The following RBFOX1 variants were observed in gnomAD, a reference collection of about 807,000 sequenced individuals.
The protein encoded by RBFOX1 is RNA binding protein fox-1 homolog 1.
In RBFOX1, 8 loss-of-function variants were observed where a neutral mutation model predicts 57.7. The observed-to-expected ratio is 0.14, with a 90% CI of 0.08 to 0.25. RBFOX1 has a LOEUF of 0.25. Among genes scored for constraint, RBFOX1 ranks in the 10% least tolerant of loss-of-function variants. RBFOX1 has a pLI of 1.00. For synonymous variants in RBFOX1, 326 were observed against 222.4 expected (o/e 1.47, Z -4.15); for missense variants, 611 against 548.5 (o/e 1.11, Z -1.14).
Position 6,605,404 on chromosome 16 carries a change from ATAT to A in RBFOX1, c.-63-49195_-63-49193del, listed in dbSNP as rs569082240. ...TGGAGTTTTGCTTTATTGATTTATG[ATAT>A]TATCAAGCACAGACTGTGAACTGGA... On this transcript the variant is annotated intron_variant, in intron 2 of 15. Coordinates refer to ENST00000550418, the MANE Select transcript of RBFOX1 (RefSeq NM_018723.4). Among the ~76,000 whole-genome samples the A allele has an allele frequency of 3.7e-3, 556 of 152,300 alleles. 5 individuals are homozygous for A. Among genetic ancestry groups the A allele is most frequent in the African/African-American group, 0.013 (534 of 41,570 alleles).
At chr16:6,384,204 A>G (rs1364471210) in intron 2 of RBFOX1, among the ~76,000 whole-genome samples, 1 of 151,740 alleles carries the variant, frequency 6.6e-6, no homozygotes, top group Non-Finnish European at 1.5e-5. Context: ...TTGCCTTTTT[A>G]TGGAACAGAT....
chr16:7,234,685 A>G (rs201088326), intron 4 of RBFOX1, among the ~76,000 whole-genome samples: 1 of 77,656 alleles, frequency 1.3e-5, no homozygotes, highest in Non-Finnish European at 2.1e-5. Flanking sequence ...TTTTATATAT[A>G]TATGTATATA....
rs1254592780 is a variant in RBFOX1 at position 6,730,178 on chromosome 16, C to G, written c.-16+75528C>G. Among the ~76,000 whole-genome samples the G allele has an allele frequency of 3.9e-5, 6 of 151,996 alleles. 1 individual carries two copies. In the South Asian group the frequency reaches 1.0e-3, roughly 26 times the overall value. ...GCCTTAAATAATTATAACTCTTTAC[C>G]CATAAGGAGAAGAGGAGGGGACATA... is the stretch of plus-strand genomic sequence containing the variant. On this transcript the variant is annotated intron_variant, in intron 3 of 15. Coordinates refer to ENST00000550418, the MANE Select transcript of RBFOX1 (RefSeq NM_018723.4).
intron 3 of RBFOX1, among the ~76,000 whole-genome samples, chr16:5,654,704 C>T (rs762913331): frequency 3.3e-5 from 5 of 152,124 alleles, no homozygotes; most frequent in African/African-American, 7.2e-5. Context: ...TCCTGTGGAT[C>T]CTACTGCCTG....
chr16:6,176,402 G>A (rs1435931503), intron 1 of RBFOX1, among the ~76,000 whole-genome samples: 9 of 140,648 alleles, frequency 6.4e-5, no homozygotes, highest in African/African-American at 2.4e-4. Flanking sequence ...CAGGTCATCC[G>A]CCCGCCTCAG....
intron 3 of RBFOX1, among the ~76,000 whole-genome samples, chr16:5,662,329 A>G (rs113761291): frequency 6.6e-6 from 1 of 152,076 alleles, no homozygotes. Flanking sequence ...CTCTCTCTCC[A>G]TGTTTGTTGT....
chr16:7,103,588 A>G (rs1358032700), intron 4 of RBFOX1, among the ~76,000 whole-genome samples: 1 of 152,212 alleles, frequency 6.6e-6, no homozygotes, highest in Admixed American at 6.5e-5. Context: ...CCAAGATGCT[A>G]AAAGTGATTA....
At chr16:5,807,190 G>A (rs1293557253) in intron 3 of RBFOX1, among the ~76,000 whole-genome samples, 2 of 152,172 alleles carry the variant, frequency 1.3e-5, no homozygotes. Flanking sequence ...CCACCATGAT[G>A]GAACCTACCT....
rs1189310502 is a variant in RBFOX1 at position 7,626,755 on chromosome 16, C to T, written c.677-3848C>T. On this transcript the variant is annotated intron_variant, in intron 10 of 15. Coordinates refer to ENST00000550418, the MANE Select transcript of RBFOX1 (RefSeq NM_018723.4). ...ATGCAAATTTCCTGCCATGAACAGG[C>T]GGAAGAAAGATTGGTTGAAAAAAAA... 2.0e-5 allele frequency among the ~76,000 whole-genome samples: 3 copies of T among 151,778 alleles called. 1 individual carries two copies. Among genetic ancestry groups the T allele is most frequent in the Admixed American group, 1.3e-4 (2 of 15,240 alleles).
At chr16:6,014,165 C>G (rs374698833), upstream of RBFOX1, among the ~76,000 whole-genome samples, 2 of 152,072 alleles carry the variant, frequency 1.3e-5, no homozygotes, top group African/African-American at 2.4e-5. Context: ...ACTGTGAGGA[C>G]TAAATGAGAT....
At chr16:5,695,080 G>A (rs992080314) in intron 3 of RBFOX1, among the ~76,000 whole-genome samples, 16 of 151,912 alleles carry the variant, frequency 1.1e-4, no homozygotes, top group Non-Finnish European at 2.9e-5. Flanking sequence ...TTGATAAATT[G>A]GCAAATACAA....
At chr16:7,160,100 T>A (rs1348861607) in intron 4 of RBFOX1, among the ~76,000 whole-genome samples, 1 of 152,210 alleles carries the variant, frequency 6.6e-6, no homozygotes, top group Non-Finnish European at 1.5e-5. Flanking sequence ...AACTAATTTC[T>A]TACCACAACA....
At chr16:5,600,486 CAAA>C (rs34621437), downstream of RBFOX1, among the ~76,000 whole-genome samples, 15,175 of 89,686 alleles carry the variant, frequency 0.17, 1,044 homozygotes, top group East Asian at 0.44. Context: ...GAGCCTGTCT[CAAA>C]AAAAAAAAAA....
intron 3 of RBFOX1, among the ~76,000 whole-genome samples, chr16:6,802,026 C>G (rs1017003627): frequency 6.6e-6 from 1 of 151,988 alleles, no homozygotes; most frequent in Non-Finnish European, 1.5e-5. Context: ...CTTTTAGACC[C>G]CGCAATAAAC....
intron 3 of RBFOX1, among the ~76,000 whole-genome samples, chr16:6,838,781 T>C (rs2093287875): frequency 6.6e-6 from 1 of 152,184 alleles, no homozygotes. Context: ...CATACAAATG[T>C]ACATGCCTCA....
chr16:7,288,136 C>T (rs1346912369), intron 4 of RBFOX1, among the ~76,000 whole-genome samples: 2 of 152,048 alleles, frequency 1.3e-5, no homozygotes, highest in African/African-American at 4.8e-5. Context: ...CAGGGAAATC[C>T]TAGAGTGGTT....
At chr16:7,540,110 G>A (rs1410439751) in intron 5 of RBFOX1, among the ~76,000 whole-genome samples, 1 of 152,128 alleles carries the variant, frequency 6.6e-6, no homozygotes, top group Non-Finnish European at 1.5e-5. Flanking sequence ...CCTCATTGGT[G>A]GTGGGATTCT....
chr16:7,211,745 T>A (rs906809486), intron 4 of RBFOX1, among the ~76,000 whole-genome samples: 1 of 152,170 alleles, frequency 6.6e-6, no homozygotes, highest in Non-Finnish European at 1.5e-5. Context: ...GGCATTCGCC[T>A]GAACTAGGAG....
At chr16:7,698,440 G>C (rs1243503671) in intron 14 of RBFOX1, among the ~76,000 whole-genome samples, 2 of 152,076 alleles carry the variant, frequency 1.3e-5, no homozygotes, top group Non-Finnish European at 2.9e-5. Flanking sequence ...CTGTGGGGCA[G>C]GTTGCTACCC....
Sources: gnomAD v4.1 joint callset for allele counts (sites outside exome capture counted in the v4.1 genomes callset) on GRCh38, gnomAD v4.1.1 for gene constraint, MANE v1.5 for transcripts, NCBI Gene and HGNC (gene_info 2026-07-23, HGNC 2026-07-21) for gene names.